The following CAST variants were observed in gnomAD, a reference collection of about 807,000 sequenced individuals.
The protein encoded by CAST is MIR583 host.
In CAST, 76 loss-of-function variants were observed where a neutral mutation model predicts 119.6. That is an observed-to-expected ratio of 0.64 (90% CI 0.53 to 0.77). The LOEUF is 0.77. Among genes scored for constraint, CAST ranks in the 30% least tolerant of loss-of-function variants. The pLI is 0.00. For synonymous variants in CAST, 319 were observed against 331.6 expected (o/e 0.96, Z 0.41); for missense variants, 953 against 946.5 (o/e 1.01, Z -0.09).
At chr5:96,587,985 G>A (rs1369419441) in intron 1 of CAST, among the ~76,000 whole-genome samples, 1 of 151,938 alleles carries the variant, frequency 6.6e-6, no homozygotes, top group Non-Finnish European at 1.5e-5. Context: ...TGTAGCTCAG[G>A]TTTCTTTTCC....
At chr5:96,602,119 T>C (rs1172904001) in intron 1 of CAST, among the ~76,000 whole-genome samples, 1 of 152,160 alleles carries the variant, frequency 6.6e-6, no homozygotes, top group Non-Finnish European at 1.5e-5. Context: ...CCCTCTGGTC[T>C]ATATATGAGA....
chr5:96,740,207 G>C, intron 12 of CAST, 89 bp downstream of exon 12: 5 of 676,378 alleles, frequency 7.4e-6, no homozygotes, highest in Non-Finnish European at 1.3e-5. Flanking sequence ...TTAGAAGTTA[G>C]AAAATATAAT....
the CAST span, among the ~76,000 whole-genome samples, chr5:96,154,939 T>G: frequency 6.6e-6 from 1 of 152,210 alleles, no homozygotes; most frequent in Admixed American, 6.5e-5. Flanking sequence ...TACTGTACTA[T>G]TTGGAAGGAA....
chr5:96,472,701 T>C, the CAST span, among the ~76,000 whole-genome samples: 1 of 152,168 alleles, frequency 6.6e-6, no homozygotes, highest in South Asian at 2.1e-4. Flanking sequence ...TGGCTTTAGG[T>C]CTGACTTGCT....
chr5:96,309,349 C>T, the CAST span, among the ~76,000 whole-genome samples: 1 of 152,236 alleles, frequency 6.6e-6, no homozygotes, highest in Non-Finnish European at 1.5e-5. Context: ...GCTGTGCTGG[C>T]AGTGAGAATT....
At chr5:96,099,651 A>C in the CAST span, among the ~76,000 whole-genome samples, 1 of 152,370 alleles carries the variant, frequency 6.6e-6, no homozygotes, top group South Asian at 2.1e-4. Flanking sequence ...GCATTGAAAC[A>C]AACTTGCATC....
intron 1 of CAST, among the ~76,000 whole-genome samples, chr5:96,580,911 T>C (rs1190526653): frequency 1.3e-5 from 2 of 152,200 alleles, no homozygotes; most frequent in Non-Finnish European, 2.9e-5. Flanking sequence ...ACTGCTTCTA[T>C]TGAAGAGGTC....
chr5:96,459,534 A>T, the CAST span, among the ~76,000 whole-genome samples: 50 of 152,270 alleles, frequency 3.3e-4, no homozygotes, highest in African/African-American at 1.1e-3. Context: ...GATGGCTTTT[A>T]AAAAAATTAA....
chr5:96,429,335 T>G, the CAST span: 15 of 1,318,542 alleles, frequency 1.1e-5, no homozygotes, highest in African/African-American at 1.9e-4. Context: ...AGGAAAGAAA[T>G]AAAATAAATA....
the CAST span, among the ~76,000 whole-genome samples, chr5:96,013,326 A>G: frequency 6.6e-6 from 1 of 151,774 alleles, no homozygotes; most frequent in Non-Finnish European, 1.5e-5. Flanking sequence ...TAATTAATAT[A>G]TAGCTCCCAC....
At chr5:96,254,288 A>G in the CAST span, among the ~76,000 whole-genome samples, 3 of 152,214 alleles carry the variant, frequency 2.0e-5, no homozygotes, top group Admixed American at 1.3e-4. Context: ...TTCTTCTAGT[A>G]TGTCTTAGAA....
chr5:96,541,795 T>G (rs1245595740), intron 1 of CAST, among the ~76,000 whole-genome samples: 2 of 152,248 alleles, frequency 1.3e-5, no homozygotes, highest in Admixed American at 6.5e-5. Flanking sequence ...TAGAGCTTGA[T>G]ATCTCATTTC....
chr5:96,363,222 G>A, the CAST span, among the ~76,000 whole-genome samples: 1 of 149,412 alleles, frequency 6.7e-6, no homozygotes. Flanking sequence ...GTACCATGCT[G>A]TTTTGGTTAC....
chr5:96,378,650 A>G, the CAST span, among the ~76,000 whole-genome samples: 1 of 152,146 alleles, frequency 6.6e-6, no homozygotes, highest in Non-Finnish European at 1.5e-5. Context: ...AAGTCCTAGA[A>G]TTAGAACTTC....
the CAST span, among the ~76,000 whole-genome samples, chr5:96,503,856 G>A: frequency 3.3e-5 from 5 of 152,258 alleles, no homozygotes; most frequent in Admixed American, 3.3e-4. Context: ...TATTTCGTAA[G>A]AGCGCTTCAC....
At chr5:95,979,800 C>A in the CAST span, among the ~76,000 whole-genome samples, 3 of 152,088 alleles carry the variant, frequency 2.0e-5, no homozygotes, top group Admixed American at 2.0e-4. Flanking sequence ...ATATTTAAAG[C>A]TGCATAGGAA....
the CAST span, among the ~76,000 whole-genome samples, chr5:96,289,941 T>TAA: frequency 2.0e-5 from 3 of 151,220 alleles, no homozygotes; most frequent in Non-Finnish European, 2.9e-5. Context: ...GTTTTTTTTT[T>TAA]AAAAAAAACA....
chr5:96,337,262 A>G, the CAST span, among the ~76,000 whole-genome samples: 2 of 151,950 alleles, frequency 1.3e-5, no homozygotes, highest in Non-Finnish European at 2.9e-5. Context: ...TCTGACCCAA[A>G]CCCCTTTTAG....
rs1765902492 is a variant in CAST at position 96,754,706 on chromosome 5, A to G, written c.1675A>G (p.Thr559Ala). ...DREKLGEKEETIPPDYRLEEV... is the reference protein window; with the variant it reads ...DREKLGEKEEAIPPDYRLEEV... ...TGAAAAGCTTGGTGAAAAAGAAGAA[A>G]CAATTCCTCCTGATTATAGATTAGA... The change falls in exon 22 of 32, where the codon ACA (threonine) becomes GCA (alanine). Residue 559 changes from threonine (T) to alanine (A), a missense_variant. Coordinates refer to ENST00000675179, the MANE Select transcript of CAST (RefSeq NM_001750.7). 6.2e-7 allele frequency: 1 copy of G among 1,610,178 alleles called. No homozygotes were observed. Among genetic ancestry groups the G allele is most frequent in the African/African-American group, 1.3e-5 (1 of 74,958 alleles).
Sources: allele counts gnomAD v4.1 joint callset (sites outside exome capture counted in the v4.1 genomes callset), GRCh38; gene constraint gnomAD v4.1.1; transcripts MANE v1.5; gene names NCBI Gene and HGNC (gene_info 2026-07-23, HGNC 2026-07-21).